NDUFS4: variants seen among roughly 807,000 people sequenced by gnomAD.
NDUFS4 encodes the protein NADH dehydrogenase [ubiquinone] iron-sulfur protein 4, mitochondrial.
In NDUFS4, 28 loss-of-function variants were observed where a neutral mutation model predicts 24.3. The ratio of observed to expected loss-of-function variants is 1.15; its 90% CI spans 0.85 to 1.58. The LOEUF is 1.58. Ranked by LOEUF, NDUFS4 falls within the 40% of genes most tolerant of loss-of-function variation. The pLI is 0.00. For missense variants in NDUFS4, 223 were observed against 207.9 expected (o/e 1.07, Z -0.45); for synonymous variants, 93 against 69.7 (o/e 1.34, Z -1.67).
In NDUFS4 at chr5:53,655,219, C is replaced by A. The variant is rs186795848; in HGVS notation, c.351-3332C>A. ...GCTTCATGAATTTTTACAACCGGAA[C>A]ACACATGCATGTGAGTAGTACCCAG... On this transcript the variant is annotated intron_variant, in intron 3 of 4. Coordinates refer to ENST00000296684, the MANE Select transcript of NDUFS4 (RefSeq NM_002495.4). Among the ~76,000 whole-genome samples, 24 of 152,266 alleles carry A rather than the reference C, an allele frequency of 1.6e-4. No homozygotes were observed. The East Asian group carries it at 4.6e-3, about 29-fold the overall frequency.
At chr5:53,652,194 G>A (rs1010071004) in intron 3 of NDUFS4, among the ~76,000 whole-genome samples, 1 of 152,050 alleles carries the variant, frequency 6.6e-6, no homozygotes, top group African/African-American at 2.4e-5. Context: ...TTGGAAGTGT[G>A]CAGTATAAGA....
chr5:53,676,112 A>G (rs1740460513), intron 4 of NDUFS4, among the ~76,000 whole-genome samples: 1 of 152,234 alleles, frequency 6.6e-6, no homozygotes, highest in South Asian at 2.1e-4. Flanking sequence ...TGTTATAACC[A>G]GTTCAAAGGA....
At chr5:53,586,024 T>C (rs1228929677) in intron 1 of NDUFS4, among the ~76,000 whole-genome samples, 1 of 152,056 alleles carries the variant, frequency 6.6e-6, no homozygotes, top group Non-Finnish European at 1.5e-5. Flanking sequence ...TTTTCAGTTT[T>C]TCTTTTATTA....
chr5:53,645,924 C>G (rs1554059206), intron 2 of NDUFS4, among the ~76,000 whole-genome samples: 1 of 152,140 alleles, frequency 6.6e-6, no homozygotes, highest in Non-Finnish European at 1.5e-5. Context: ...GCATTGTTGA[C>G]TACAGGCTCT....
chr5:53,652,623 A>C (rs573713917), intron 3 of NDUFS4, among the ~76,000 whole-genome samples: 4 of 152,162 alleles, frequency 2.6e-5, no homozygotes, highest in Admixed American at 1.3e-4. Context: ...TTTAAGATAA[A>C]TGTGTTTGAT....
intron 1 of NDUFS4, among the ~76,000 whole-genome samples, chr5:53,569,162 T>C (rs181985004): frequency 6.6e-6 from 1 of 152,268 alleles, no homozygotes; most frequent in East Asian, 1.9e-4. Flanking sequence ...TCAAGTGATC[T>C]CTTCAATATA....
At chr5:53,627,000 G>A (rs955073985) in intron 2 of NDUFS4, among the ~76,000 whole-genome samples, 1 of 144,808 alleles carries the variant, frequency 6.9e-6, no homozygotes, top group African/African-American at 2.5e-5. Context: ...TTCTTCTAGG[G>A]TTTTTATAGC....
At chr5:53,655,605 CTAGT>C (rs571493296) in intron 3 of NDUFS4, among the ~76,000 whole-genome samples, 55 of 152,120 alleles carry the variant, frequency 3.6e-4, no homozygotes, top group Non-Finnish European at 4.4e-4. Context: ...ATATTAGTCA[CTAGT>C]TAATATTCAA....
At chr5:53,574,198 C>T (rs1415027175) in intron 1 of NDUFS4, among the ~76,000 whole-genome samples, 3 of 152,124 alleles carry the variant, frequency 2.0e-5, no homozygotes, top group East Asian at 3.9e-4. Context: ...TTCACCTTTA[C>T]GTATAATGTT....
chr5:53,679,707 C>CTAT (rs1740592860), intron 4 of NDUFS4, among the ~76,000 whole-genome samples: 1 of 152,110 alleles, frequency 6.6e-6, no homozygotes, highest in African/African-American at 2.4e-5. Flanking sequence ...GTGTATATTA[C>CTAT]TATTTCCTAG....
At chr5:53,601,234 A>C (rs1192231604) in intron 1 of NDUFS4, among the ~76,000 whole-genome samples, 1 of 151,846 alleles carries the variant, frequency 6.6e-6, no homozygotes, top group African/African-American at 2.4e-5. Flanking sequence ...CCATCTCCTG[A>C]CCTTGTGATC....
At chr5:53,594,087 A>G (rs748950053) in intron 1 of NDUFS4, among the ~76,000 whole-genome samples, 20 of 152,150 alleles carry the variant, frequency 1.3e-4, no homozygotes, top group Non-Finnish European at 2.5e-4. Context: ...TACTTCAACC[A>G]TATTCTTAAC....
chr5:53,589,562 C>A (rs934203261), intron 1 of NDUFS4, among the ~76,000 whole-genome samples: 1 of 152,152 alleles, frequency 6.6e-6, no homozygotes, highest in Non-Finnish European at 1.5e-5. Flanking sequence ...CAAGAAGTGG[C>A]AATGGGAGTG....
intron 2 of NDUFS4, among the ~76,000 whole-genome samples, chr5:53,613,927 A>T (rs1750771366): frequency 6.6e-6 from 1 of 152,044 alleles, no homozygotes; most frequent in African/African-American, 2.4e-5. Context: ...TGTGTAAGTT[A>T]ATCAGTAAAT....
chr5:53,683,100 T>A lies in NDUFS4; in HGVS notation c.425-18T>A. The stretch of plus-strand genomic sequence containing the variant: ...TTAATTCTGTTTCTGTGGATTTGTC[T>A]TTGTTTTTTCCTCCTAGGATGGAGC... On this transcript the variant is annotated intron_variant, in intron 4 of 4. Coordinates refer to ENST00000296684, the MANE Select transcript of NDUFS4 (RefSeq NM_002495.4). 6.6e-7 allele frequency: 1 copy of A among 1,512,482 alleles called. No individual in the cohort carries two copies. The highest frequency in any genetic ancestry group is 1.4e-5 in the African/African-American group (1 of 72,724). 93.7% of individuals were successfully genotyped at this position (1,512,482 alleles called of 1,614,324 possible).
At chr5:53,637,921 A>G (rs540171174) in intron 2 of NDUFS4, among the ~76,000 whole-genome samples, 28 of 152,258 alleles carry the variant, frequency 1.8e-4, no homozygotes, top group African/African-American at 6.5e-4. Context: ...CACTGCAAAC[A>G]CTTTGAGAGA....
In NDUFS4 at chr5:53,573,180, GC is replaced by G. The variant is rs566280765; in HGVS notation, c.98+12423del. ...GTAGACATGGGTGTCTCCCTGTGTT[GC>G]CCAGGCTGGTCTTGAACTCCTGGGT... On this transcript the variant is annotated intron_variant, in intron 1 of 4. Coordinates refer to ENST00000296684, the MANE Select transcript of NDUFS4 (RefSeq NM_002495.4). 1.4e-4 allele frequency among the ~76,000 whole-genome samples: 21 copies of G among 151,858 alleles called. No homozygotes were observed. In the South Asian group the frequency reaches 4.4e-3, roughly 32 times the overall value.
rs1321780944 is a variant in NDUFS4 at position 53,603,283 on chromosome 5, AACTAATTGC to A, written c.99-167_99-159del. ...AGTCTGCCAAAAACTCAGCAGACAG[AACTAATTGC>A]AGAGAAAAAGGACTTTTGTGCCCTC... On this transcript the variant is annotated intron_variant, in intron 1 of 4. Coordinates refer to ENST00000296684, the MANE Select transcript of NDUFS4 (RefSeq NM_002495.4). 5.3e-5 allele frequency among the ~76,000 whole-genome samples: 8 copies of A among 152,028 alleles called. 1 individual carries two copies. In the South Asian group the frequency reaches 1.7e-3, roughly 32 times the overall value.
chr5:53,631,881 A>G (rs143769693), intron 2 of NDUFS4, among the ~76,000 whole-genome samples: 1 of 152,188 alleles, frequency 6.6e-6, no homozygotes, highest in South Asian at 2.1e-4. Context: ...TGCGAAGACC[A>G]TGGGAAAAAG....
Sources: allele counts gnomAD v4.1 joint callset (sites outside exome capture counted in the v4.1 genomes callset), GRCh38; gene constraint gnomAD v4.1.1; transcripts MANE v1.5; gene names NCBI Gene and HGNC (gene_info 2026-07-23, HGNC 2026-07-21).